The following PTPRO variants were observed in gnomAD, a reference collection of about 807,000 sequenced individuals.
The protein encoded by PTPRO is receptor-type tyrosine-protein phosphatase O.
In PTPRO, 62 loss-of-function variants were observed where a neutral mutation model predicts 145.2. The observed-to-expected ratio is 0.43, with a 90% CI of 0.35 to 0.53. PTPRO has a LOEUF of 0.53. Among genes scored for constraint, PTPRO ranks in the 20% least tolerant of loss-of-function variants. The probability of loss-of-function intolerance (pLI) is 0.01; values close to 1 mark genes in which losing one functional copy is unlikely to be tolerated. For synonymous variants in PTPRO, 565 were observed against 514.7 expected (o/e 1.10, Z -1.32); for missense variants, 1,345 against 1,482.7 (o/e 0.91, Z 1.53).
chr12:15,520,786 T>C lies in PTPRO; in HGVS notation c.1891+474T>C, dbSNP rs1359963111. On this transcript the variant is annotated intron_variant, in intron 10 of 26. Transcript: ENST00000281171. ...AGAGACAGGTAGATCTGGATTTGAA[T>C]AGACCCTCCGCATACCACATATAAC... 5.3e-5 allele frequency among the ~76,000 whole-genome samples: 8 copies of C among 152,322 alleles called. No homozygotes were observed. The East Asian group carries it at 1.5e-3, about 29-fold the overall frequency.
chr12:15,572,662 T>C (rs2135619141), intron 19 of PTPRO, among the ~76,000 whole-genome samples: 1 of 152,102 alleles, frequency 6.6e-6, no homozygotes, highest in East Asian at 1.9e-4. Context: ...TACATTGGGG[T>C]TTTATTTGGA....
In PTPRO at chr12:15,454,122, T is replaced by G. The variant is rs1233397751; in HGVS notation, c.76-29852T>G. Reference sequence around the variant, plus strand: ...AATAAGATTGCTGGATCACATGCTATTTCTATTTTTAATTGTGTAGGTACC... The same window carrying G: ...AATAAGATTGCTGGATCACATGCTAGTTCTATTTTTAATTGTGTAGGTACC... On this transcript the variant is annotated intron_variant, in intron 1 of 26. Transcript: ENST00000281171. Among the ~76,000 whole-genome samples the G allele has an allele frequency of 1.3e-5, 2 of 152,194 alleles. 1 individual carries two copies. Among genetic ancestry groups the G allele is most frequent in the Non-Finnish European group, 2.9e-5 (2 of 68,012 alleles).
At chr12:15,387,774 A>G (rs1048313177) in intron 1 of PTPRO, among the ~76,000 whole-genome samples, 3 of 152,228 alleles carry the variant, frequency 2.0e-5, no homozygotes, top group African/African-American at 7.2e-5. Flanking sequence ...TGATAGAAAC[A>G]TTAATATTTT....
At chr12:15,407,534 T>C (rs1939681385) in intron 1 of PTPRO, among the ~76,000 whole-genome samples, 1 of 152,252 alleles carries the variant, frequency 6.6e-6, no homozygotes, top group African/African-American at 2.4e-5. Context: ...CTTTACCATC[T>C]ACTTGGAGTG....
intron 16 of PTPRO, among the ~76,000 whole-genome samples, chr12:15,558,264 G>A (rs1943689730): frequency 6.6e-6 from 1 of 152,112 alleles, no homozygotes; most frequent in Non-Finnish European, 1.5e-5. Flanking sequence ...ACATTTCAGT[G>A]CCTGAGGCAA....
At chr12:15,469,692 A>G (rs1227999785) in intron 1 of PTPRO, among the ~76,000 whole-genome samples, 1 of 150,766 alleles carries the variant, frequency 6.6e-6, no homozygotes, top group Non-Finnish European at 1.5e-5. Flanking sequence ...GAGAAGTAAT[A>G]CTGATTACTG....
At chr12:15,460,352 G>T (rs1267820985) in intron 1 of PTPRO, among the ~76,000 whole-genome samples, 1 of 152,026 alleles carries the variant, frequency 6.6e-6, no homozygotes, top group Non-Finnish European at 1.5e-5. Flanking sequence ...CTTTTTGTTT[G>T]AAAAAGCCCT....
chr12:15,568,897 C>G (rs1438093275), intron 18 of PTPRO, among the ~76,000 whole-genome samples: 1 of 152,164 alleles, frequency 6.6e-6, no homozygotes, highest in African/African-American at 2.4e-5. Context: ...AGCACAATTC[C>G]TTATACTTGT....
intron 1 of PTPRO, among the ~76,000 whole-genome samples, chr12:15,473,628 G>A (rs1207617278): frequency 6.6e-6 from 1 of 151,866 alleles, no homozygotes; most frequent in Non-Finnish European, 1.5e-5. Context: ...TTAGCCAGGC[G>A]TTGTGGTGGG....
chr12:15,401,521 C>T (rs1939492077), intron 1 of PTPRO, among the ~76,000 whole-genome samples: 1 of 147,662 alleles, frequency 6.8e-6, no homozygotes, highest in African/African-American at 2.4e-5. Flanking sequence ...CTAATGATAA[C>T]ATAAGTTTGC....
At chr12:15,342,218 A>G (rs1299856958) in intron 1 of PTPRO, among the ~76,000 whole-genome samples, 2 of 152,198 alleles carry the variant, frequency 1.3e-5, no homozygotes, top group Non-Finnish European at 2.9e-5. Flanking sequence ...GAATGACTTA[A>G]TATATAAAAG....
At chr12:15,339,373 C>G (rs186215318) in intron 1 of PTPRO, among the ~76,000 whole-genome samples, 1 of 152,116 alleles carries the variant, frequency 6.6e-6, no homozygotes, top group Non-Finnish European at 1.5e-5. Context: ...TTTGCCCAGC[C>G]ATGAACTTCT....
At chr12:15,496,142 G>GTTTTT (rs71042255) in intron 2 of PTPRO, among the ~76,000 whole-genome samples, 6 of 75,358 alleles carry the variant, frequency 8.0e-5, no homozygotes, top group Admixed American at 1.9e-4. Flanking sequence ...TTCTTTTTTT[G>GTTTTT]TTTTTTTTTT....
intron 17 of PTPRO, among the ~76,000 whole-genome samples, chr12:15,561,225 AAT>A (rs1364028065): frequency 6.6e-6 from 1 of 152,070 alleles, no homozygotes; most frequent in Non-Finnish European, 1.5e-5. Context: ...AAACAATAAA[AAT>A]ATCTCATAGA....
chr12:15,366,107 C>A (rs1486668229), intron 1 of PTPRO, among the ~76,000 whole-genome samples: 1 of 152,076 alleles, frequency 6.6e-6, no homozygotes, highest in Non-Finnish European at 1.5e-5. Context: ...ATCTTCAAAG[C>A]AGAAGTCACA....
chr12:15,489,504 T>C (rs1189039053), intron 2 of PTPRO, among the ~76,000 whole-genome samples: 1 of 152,186 alleles, frequency 6.6e-6, no homozygotes, highest in Non-Finnish European at 1.5e-5. Context: ...TTTTAGACCA[T>C]ATAGAGTAAC....
rs75146697 is a variant in PTPRO, at chr12:15,487,110, G to C, written c.349+2863G>C. On this transcript the variant is annotated intron_variant, in intron 2 of 26. Coordinates refer to ENST00000281171, the MANE Select transcript of PTPRO (RefSeq NM_030667.3). ...AGAGCTCCCCCAGCAATAGACTGCT[G>C]TTGCTTTTCACTCATTGCTAACTTT... 5.7e-3 allele frequency among the ~76,000 whole-genome samples: 862 copies of C among 152,216 alleles called. 58 individuals carry two copies. The East Asian group carries it at 0.14, about 24-fold the overall frequency.
At chr12:15,366,332 T>C (rs1459888428) in intron 1 of PTPRO, among the ~76,000 whole-genome samples, 1 of 149,392 alleles carries the variant, frequency 6.7e-6, no homozygotes, top group Non-Finnish European at 1.5e-5. Context: ...AAGTTACCAG[T>C]GGTATATGGT....
intron 19 of PTPRO, among the ~76,000 whole-genome samples, chr12:15,570,918 ACT>A (rs1353663295): frequency 6.6e-6 from 1 of 152,158 alleles, no homozygotes; most frequent in African/African-American, 2.4e-5. Context: ...CATAACTATT[ACT>A]GTTTCTGAAT....
Sources: allele counts gnomAD v4.1 joint callset (sites outside exome capture counted in the v4.1 genomes callset), GRCh38; gene constraint gnomAD v4.1.1; transcripts MANE v1.5; gene names NCBI Gene and HGNC (gene_info 2026-07-23, HGNC 2026-07-21).